PCP2: variants seen among roughly 807,000 people sequenced by gnomAD.
The protein encoded by PCP2 is Purkinje cell protein 2.
Under a neutral mutation model 18.3 loss-of-function variants are expected in PCP2, and 21 were observed. The ratio of observed to expected loss-of-function variants is 1.14; its 90% CI spans 0.81 to 1.65. PCP2 has a LOEUF of 1.65. Among genes scored for constraint, PCP2 ranks in the 40% most tolerant of loss-of-function variants. PCP2 has a pLI of 0.00. For synonymous variants in PCP2, 85 were observed against 77.6 expected (o/e 1.10, Z -0.50); for missense variants, 202 against 201.8 (o/e 1.00, Z 0.00).
rs1277741334 is a variant in PCP2 at position 7,633,340 on chromosome 19, C to T, written c.51+67G>A. On this transcript the variant is annotated intron_variant, in intron 1 of 3. Transcript: ENST00000311069. The stretch of plus-strand genomic sequence containing the variant: ...ACTCGTTAATTAGGTGCCCTACAAA[C>T]TAGTCTTGTCAATCATGGGCTCTGA... 18 of 1,452,448 alleles carry T rather than the reference C, an allele frequency of 1.2e-5. No individual in the cohort carries two copies. The East Asian group carries it at 2.2e-4, about 18-fold the overall frequency. 90.0% of individuals were successfully genotyped at this position (1,452,448 alleles called of 1,614,324 possible). A position where few individuals can be genotyped will look rare whatever the true frequency, so the allele number is the denominator to read the frequency against.
chr19:7,632,134 C>T lies in PCP2; in HGVS notation c.291+259G>A. The T allele has an allele frequency of 1.7e-6, 1 of 599,094 alleles. No individual in the cohort carries two copies. The highest frequency in any genetic ancestry group is 2.9e-6 in the Non-Finnish European group (1 of 350,132). The allele number at this position is 599,094 out of a possible 1,614,324, so 37.1% of individuals were successfully genotyped here. Reference sequence around the variant, plus strand: ...CTTTCCTAGGAAGGGGTCCTATTTTCTCCCTTTGGCCTCCCCAGAACCTTC... The same window carrying T: ...CTTTCCTAGGAAGGGGTCCTATTTTTTCCCTTTGGCCTCCCCAGAACCTTC... On this transcript the variant is annotated intron_variant, in intron 3 of 3. Coordinates refer to ENST00000311069, the MANE Select transcript of PCP2 (RefSeq NM_174895.3). The surrounding 1 kb of genome is among the most constrained non-coding windows in gnomAD (Gnocchi z 5.2).
Position 7,633,715 on chromosome 19 carries a change from T to A in PCP2, c.-258A>T. On this transcript the variant is annotated 5_prime_UTR_variant, in exon 1 of 4. Coordinates refer to ENST00000311069, the MANE Select transcript of PCP2 (RefSeq NM_174895.3). The stretch of plus-strand genomic sequence containing the variant: ...TGGACCTCGCTGTGCCCAGCAGCAA[T>A]GACTGGACCCCAGGGACTCTCAGGT... The A allele has an allele frequency of 1.9e-6, 1 of 536,402 alleles. No individual in the cohort carries two copies. The highest frequency in any genetic ancestry group is 3.3e-6 in the Non-Finnish European group (1 of 302,070). The allele number at this position is 536,402 out of a possible 1,614,324, so 33.2% of individuals were successfully genotyped here.
intron 1 of PCP2, chr19:7,633,052 C>T (rs535230916): frequency 1.4e-6 from 2 of 1,394,042 alleles, no homozygotes; most frequent in Non-Finnish European, 9.4e-7. Flanking sequence ...CCAGCAGTGC[C>T]ACTTCACGTG....
upstream of PCP2, chr19:7,636,717 G>C (rs1375711556): frequency 1.2e-5 from 2 of 170,338 alleles, no homozygotes; most frequent in Admixed American, 6.3e-5. Context: ...TGCTGCTGCT[G>C]CCTCTAAACC....
Position 7,632,861 on chromosome 19 carries a change from C to A in PCP2, c.52-31G>T, listed in dbSNP as rs563746051. 8 of 1,539,722 alleles carry A rather than the reference C, an allele frequency of 5.2e-6. No individual in the cohort carries two copies. In the Admixed American group the frequency reaches 1.4e-4, roughly 27 times the overall value. On this transcript the variant is annotated intron_variant, in intron 1 of 3. Transcript: ENST00000311069. This position sits in a 1 kb window ranked among gnomAD's most constrained non-coding sequence, Gnocchi z 5.2. ...GACAGACTCGCTCAGTCTGGTTGGC[C>A]CTTCAGCTTGGGGGCCCCTCCCCAA...
At position 7,632,109 on chromosome 19, in the gene PCP2, C is replaced by T; in HGVS notation, c.291+284G>A. The T allele has an allele frequency of 1.8e-6, 1 of 568,160 alleles. No individual in the cohort carries two copies. The highest frequency in any genetic ancestry group is 2.9e-5 in the East Asian group (1 of 34,084). The allele number at this position is 568,160 out of a possible 1,614,324, so 35.2% of individuals were successfully genotyped here. On this transcript the variant is annotated intron_variant, in intron 3 of 3. Coordinates refer to ENST00000311069, the MANE Select transcript of PCP2 (RefSeq NM_174895.3). This position sits in a 1 kb window ranked among gnomAD's most constrained non-coding sequence, Gnocchi z 5.2. Reference sequence around the variant, plus strand: ...CTTACGTGACTTCCTCCCTGGGATACTTTCCTAGGAAGGGGTCCTATTTTC... The same window carrying T: ...CTTACGTGACTTCCTCCCTGGGATATTTTCCTAGGAAGGGGTCCTATTTTC...
intron 3 of PCP2, 90 bp from the exon 4 acceptor site, chr19:7,631,898 A>G: frequency 8.2e-7 from 1 of 1,216,560 alleles, no homozygotes; most frequent in Non-Finnish European, 1.1e-6. Flanking sequence ...GCAGGTAGCC[A>G]CCGTGTCCCA....
Position 7,632,256 on chromosome 19 carries a change from G to C in PCP2, c.291+137C>G. On this transcript the variant is annotated intron_variant, in intron 3 of 3. Transcript: ENST00000311069. This position sits in a 1 kb window ranked among gnomAD's most constrained non-coding sequence, Gnocchi z 5.2. ...CCCCTCTAGCCACTGCCTGGGCCTTGGTCCTCCCATCTGAAGTCAGGGCAG... is the reference window on the plus strand; with the variant it reads ...CCCCTCTAGCCACTGCCTGGGCCTTCGTCCTCCCATCTGAAGTCAGGGCAG... The C allele has an allele frequency of 7.5e-7, 1 of 1,338,924 alleles. No homozygotes were observed. The highest frequency in any genetic ancestry group is 1.4e-5 in the African/African-American group (1 of 68,994). The allele number at this position is 1,338,924 out of a possible 1,614,324, so 82.9% of individuals were successfully genotyped here.
At chr19:7,631,837 G>A in intron 3 of PCP2, 29 bp from the exon 4 acceptor site, 1 of 1,383,996 alleles carries the variant, frequency 7.2e-7, no homozygotes, top group Non-Finnish European at 9.4e-7. Context: ...CAGCCAGGGG[G>A]AGGGCTCAAG....
upstream of PCP2, among the ~76,000 whole-genome samples, chr19:7,635,343 G>A (rs2031486429): frequency 6.6e-6 from 1 of 152,212 alleles, no homozygotes; most frequent in Non-Finnish European, 1.5e-5. Flanking sequence ...ATTGACTTAC[G>A]CACCTTAGGT....
In PCP2 at chr19:7,633,579, C is replaced by T. The variant is rs1329677140; in HGVS notation, c.-122G>A. On this transcript the variant is annotated 5_prime_UTR_variant, in exon 1 of 4. Transcript: ENST00000311069. ...CCCATCCCCAAATCCCCAGCTCATG[C>T]CCCATCTGCTCCCACCCAAGCTTAA... 3.3e-6 allele frequency: 3 copies of T among 900,128 alleles called. No homozygotes were observed. Among genetic ancestry groups the T allele is most frequent in the African/African-American group, 3.3e-5 (2 of 60,198 alleles). The allele number at this position is 900,128 out of a possible 1,614,324, so 55.8% of individuals were successfully genotyped here. A position where few individuals can be genotyped will look rare whatever the true frequency, so the allele number is the denominator to read the frequency against.
upstream of PCP2, among the ~76,000 whole-genome samples, chr19:7,634,449 C>T (rs2031453865): frequency 6.6e-6 from 1 of 152,328 alleles, no homozygotes; most frequent in South Asian, 2.1e-4. Context: ...TGAAGTGTCC[C>T]CCTCCTCAGT....
upstream of PCP2, among the ~76,000 whole-genome samples, chr19:7,634,572 T>A (rs4804759): frequency 0.29 from 44,364 of 152,228 alleles, 7,154 homozygotes; most frequent in Non-Finnish European, 0.37. Flanking sequence ...GTCTCACTAT[T>A]TTGCCCAGGC....
At chr19:7,633,053 A>G in intron 1 of PCP2, 1 of 1,389,930 alleles carries the variant, frequency 7.2e-7, no homozygotes, top group Non-Finnish European at 9.4e-7. Context: ...CAGCAGTGCC[A>G]CTTCACGTGG....
rs960495151 is a variant in PCP2, at chr19:7,632,315, T to G, written c.291+78A>C. The stretch of plus-strand genomic sequence containing the variant: ...CAGAGATGGGGCAGGCCCTGTTCCC[T>G]CCTGGCTGGGGTGGAGGGCAGGATC... On this transcript the variant is annotated intron_variant, in intron 3 of 3. Transcript: ENST00000311069. This position sits in a 1 kb window ranked among gnomAD's most constrained non-coding sequence, Gnocchi z 5.2. 7 of 1,585,224 alleles carry G rather than the reference T, an allele frequency of 4.4e-6. No homozygotes were observed. Among genetic ancestry groups the G allele is most frequent in the Non-Finnish European group, 6.0e-6 (7 of 1,166,278 alleles).
chr19:7,633,269 G>A (rs111973989), intron 1 of PCP2, 138 bp downstream of exon 1: 13 of 926,162 alleles, frequency 1.4e-5, no homozygotes, highest in Non-Finnish European at 2.1e-5. Flanking sequence ...AAGCCCACCA[G>A]CCCCTTTCTA....
chr19:7,632,558 T>G lies in PCP2; in HGVS notation c.167-41A>C, dbSNP rs567680963. ...CAGACTTGGGAGGACACAGCCGGAG[T>G]GGGGGCCCCCAACCCTACCCCTTCA... is the stretch of plus-strand genomic sequence containing the variant. On this transcript the variant is annotated intron_variant, in intron 2 of 3. Transcript: ENST00000311069. The surrounding 1 kb of genome is among the most constrained non-coding windows in gnomAD (Gnocchi z 5.2). The G allele has an allele frequency of 1.9e-6, 3 of 1,606,596 alleles. No individual in the cohort carries two copies. The South Asian group carries it at 3.3e-5, about 18-fold the overall frequency.
rs553158293 is a variant in PCP2, at chr19:7,633,526, C to T, written c.-69G>A. 71 of 1,476,754 alleles carry T rather than the reference C, an allele frequency of 4.8e-5. No individual in the cohort carries two copies. Among genetic ancestry groups the T allele is most frequent in the South Asian group, 3.9e-4 (32 of 81,988 alleles). 91.5% of individuals were successfully genotyped at this position (1,476,754 alleles called of 1,614,324 possible). A position where few individuals can be genotyped will look rare whatever the true frequency, so the allele number is the denominator to read the frequency against. Reference sequence around the variant, plus strand: ...CCAGTGCCAGAGAGGGCCTTTTAAACGTCCAGGACGTGGGGGTGTGGATTC... The same window carrying T: ...CCAGTGCCAGAGAGGGCCTTTTAAATGTCCAGGACGTGGGGGTGTGGATTC... On this transcript the variant is annotated 5_prime_UTR_variant, in exon 1 of 4. Transcript: ENST00000311069.
upstream of PCP2, among the ~76,000 whole-genome samples, chr19:7,635,313 C>T (rs963479776): frequency 2.6e-5 from 4 of 152,200 alleles, no homozygotes; most frequent in Non-Finnish European, 5.9e-5. Flanking sequence ...GGACACACAA[C>T]TCCAAAAATA....
Sources: gnomAD v4.1 joint callset for allele counts (sites outside exome capture counted in the v4.1 genomes callset) on GRCh38, gnomAD v4.1.1 for gene constraint, Gnocchi (gnomAD v3.1) non-coding constraint, MANE v1.5 for transcripts, NCBI Gene and HGNC (gene_info 2026-07-23, HGNC 2026-07-21) for gene names.